Variants in FCHO2 observed in about 807,000 individuals in gnomAD.
FCHO2 encodes the protein F-BAR domain only protein 2.
FCHO2 carries 43 observed loss-of-function variants against 114.1 expected under a neutral mutation model. The ratio of observed to expected loss-of-function variants is 0.38; its 90% confidence interval spans 0.30 to 0.49. FCHO2 has a LOEUF of 0.49. FCHO2 is among the 20% of genes least tolerant of loss of function. FCHO2 has a pLI of 0.97. For synonymous variants in FCHO2, 293 were observed against 315.2 expected, an observed-to-expected ratio of 0.93 and a Z score of 0.75; for missense variants, 807 against 950.4, an observed-to-expected ratio of 0.85 and a Z score of 1.98.
intron 9 of FCHO2, among the ~76,000 whole-genome samples, chr5:73,036,703 G>A (rs1290295718): frequency 6.6e-6 from 1 of 152,082 alleles, no homozygotes; most frequent in South Asian, 2.1e-4. Flanking sequence ...TGGGTCTGCT[G>A]TATCATCTTT....
Position 72,958,817 on chromosome 5 carries a change from G to GA in FCHO2, c.33+2690dup, listed in dbSNP as rs1751700429. On this transcript the variant is annotated intron_variant, in intron 1 of 25. Transcript: ENST00000430046. ...AATGTTATGCATATTTTTGATGCATGAATGTTTTTTAAGTTGCTAACTTAA... is the reference window on the plus strand; with the variant it reads ...AATGTTATGCATATTTTTGATGCATGAAATGTTTTTTAAGTTGCTAACTTAA... Among the ~76,000 whole-genome samples the GA allele has an allele frequency of 7.2e-5, 11 of 152,198 alleles. No individual in the cohort carries two copies. In the South Asian group the frequency reaches 2.3e-3, roughly 31 times the overall value.
chr5:72,990,024 CA>C (rs1380153552), intron 3 of FCHO2, among the ~76,000 whole-genome samples: 2 of 151,820 alleles, frequency 1.3e-5, no homozygotes, highest in African/African-American at 4.8e-5. Flanking sequence ...ATTGCCATAA[CA>C]ATTATGGAAA....
At chr5:73,080,500 C>A (rs1743059356) in intron 22 of FCHO2, among the ~76,000 whole-genome samples, 1 of 152,104 alleles carries the variant, frequency 6.6e-6, no homozygotes. Context: ...TACACATCAG[C>A]AGAGGAGGAA....
At chr5:73,055,878 T>C (rs900523508) in intron 15 of FCHO2, among the ~76,000 whole-genome samples, 187 bp from the exon 16 acceptor site, 2 of 152,128 alleles carry the variant, frequency 1.3e-5, no homozygotes, top group Admixed American at 1.3e-4. Flanking sequence ...GGAACCAGGG[T>C]TTTGTAATTT....
chr5:73,022,137 A>G (rs1755662198), intron 8 of FCHO2, among the ~76,000 whole-genome samples: 1 of 152,062 alleles, frequency 6.6e-6, no homozygotes, highest in African/African-American at 2.4e-5. Context: ...ATGTTGACAT[A>G]AATTTTAATT....
At chr5:73,070,833 TC>T (rs1742608766) in intron 19 of FCHO2, among the ~76,000 whole-genome samples, 1 of 152,050 alleles carries the variant, frequency 6.6e-6, no homozygotes, top group African/African-American at 2.4e-5. Flanking sequence ...AGTTTCTGAT[TC>T]TCCTTGTTTC....
intron 5 of FCHO2, among the ~76,000 whole-genome samples, chr5:72,998,347 C>T (rs1034641883): frequency 1.3e-5 from 2 of 151,850 alleles, no homozygotes; most frequent in South Asian, 4.2e-4. Context: ...ATTAGCCAGG[C>T]GTGGTGGCGG....
intron 2 of FCHO2, among the ~76,000 whole-genome samples, chr5:72,985,616 AT>A (rs541314681): frequency 4.0e-5 from 6 of 151,812 alleles, no homozygotes; most frequent in Non-Finnish European, 8.8e-5. Context: ...TTTCATTTAT[AT>A]TTTTGCTGGG....
At chr5:73,064,484 A>G (rs764142375) in intron 18 of FCHO2, among the ~76,000 whole-genome samples, 4 of 151,986 alleles carry the variant, frequency 2.6e-5, no homozygotes, top group Non-Finnish European at 4.4e-5. Flanking sequence ...CTCCCAGTCT[A>G]TTTGCCTTTG....
intron 1 of FCHO2, among the ~76,000 whole-genome samples, chr5:72,966,840 A>G (rs1446099562): frequency 6.6e-6 from 1 of 152,268 alleles, no homozygotes; most frequent in African/African-American, 2.4e-5. Context: ...CTGTAAAGAG[A>G]GTTGTTAAAC....
chr5:73,082,256 ACTT>A (rs1743119284), intron 23 of FCHO2, among the ~76,000 whole-genome samples: 1 of 97,668 alleles, frequency 1.0e-5, no homozygotes, highest in African/African-American at 3.4e-5. Flanking sequence ...ACCTCTCTAA[ACTT>A]CTTTTTTTTT....
At position 73,087,653 on chromosome 5, in the gene FCHO2, A is replaced by T; in HGVS notation, c.2310A>T (p.Ala770=). ...SEGPSKPTTL[A]VQFLSEGSTL... is the part of the protein sequence containing the mutation. The stretch of plus-strand genomic sequence containing the variant: ...GACCTAGTAAACCCACGACACTTGC[A>T]GTACAATTCCTCAGCGAGGGAAGTA... The change falls in exon 25 of 26, where the codon GCA becomes GCT. Residue 770 remains alanine, a synonymous_variant. Coordinates refer to ENST00000430046, the MANE Select transcript of FCHO2 (RefSeq NM_138782.3). The T allele has an allele frequency of 1.2e-6, 2 of 1,613,976 alleles. No individual in the cohort carries two copies. The highest frequency in any genetic ancestry group is 2.7e-5 in the African/African-American group (2 of 75,070).
At chr5:73,066,583 T>C (rs960693625) in intron 18 of FCHO2, among the ~76,000 whole-genome samples, 3 of 148,868 alleles carry the variant, frequency 2.0e-5, no homozygotes, top group African/African-American at 7.4e-5. Flanking sequence ...TTCTTTTTTT[T>C]TTTTTTTTTT....
chr5:72,987,380 C>T (rs1221400259), intron 2 of FCHO2, among the ~76,000 whole-genome samples: 1 of 152,124 alleles, frequency 6.6e-6, no homozygotes, highest in Non-Finnish European at 1.5e-5. Flanking sequence ...TCTTGTTGCC[C>T]AGGCTGGAGT....
At chr5:72,966,364 G>A (rs1484989555) in intron 1 of FCHO2, among the ~76,000 whole-genome samples, 2 of 152,108 alleles carry the variant, frequency 1.3e-5, no homozygotes, top group Non-Finnish European at 1.5e-5. Context: ...TGGCCAGGCT[G>A]GTCTTGAACA....
rs140492821 is a variant in FCHO2, at chr5:73,035,967, C to T, written c.842-1176C>T. 2.9e-3 allele frequency among the ~76,000 whole-genome samples: 442 copies of T among 152,190 alleles called. 2 individuals carry two copies. The highest frequency in any genetic ancestry group is 0.01 in the African/African-American group (420 of 41,540). On this transcript the variant is annotated intron_variant, in intron 9 of 25. Transcript: ENST00000430046. Reference sequence around the variant, plus strand: ...GGATGATTCTCCTCCCTTAGCCTCCCAAGTAGCCGGGATTACAGGTGTGCG... The same window carrying T: ...GGATGATTCTCCTCCCTTAGCCTCCTAAGTAGCCGGGATTACAGGTGTGCG...
At chr5:72,983,306 A>C (rs1185164321) in intron 2 of FCHO2, among the ~76,000 whole-genome samples, 6 of 152,174 alleles carry the variant, frequency 3.9e-5, no homozygotes, top group Admixed American at 6.5e-5. Flanking sequence ...TGCTACACCC[A>C]TCAACCTGTC....
intron 8 of FCHO2, among the ~76,000 whole-genome samples, chr5:73,032,725 A>G (rs901181008): frequency 6.6e-6 from 1 of 152,206 alleles, no homozygotes; most frequent in African/African-American, 2.4e-5. Context: ...TCTCTAGAGT[A>G]AGCGTGTGGC....
Position 73,054,182 on chromosome 5 carries a change from G to T in FCHO2, c.1185+11G>T, listed in dbSNP as rs1456938170. ...TAGAGACACAGTCCAGTAAGTACAA[G>T]ATTTTATATTTTTGCCCATTGACTT... On this transcript the variant is annotated intron_variant, in intron 14 of 25. Coordinates refer to ENST00000430046, the MANE Select transcript of FCHO2 (RefSeq NM_138782.3). The T allele has an allele frequency of 2.6e-6, 4 of 1,519,238 alleles. No individual in the cohort carries two copies. Among genetic ancestry groups the T allele is most frequent in the African/African-American group, 1.4e-5 (1 of 71,952 alleles). 94.1% of individuals were successfully genotyped at this position (1,519,238 alleles called of 1,614,324 possible).
Sources: gnomAD v4.1 joint callset for allele counts (sites outside exome capture counted in the v4.1 genomes callset) on GRCh38, gnomAD v4.1.1 for gene constraint, MANE v1.5 for transcripts, NCBI Gene and HGNC (gene_info 2026-07-23, HGNC 2026-07-21) for gene names.